The following EPM2A variants were observed in gnomAD, a reference collection of about 807,000 sequenced individuals.
EPM2A encodes the protein laforin.
EPM2A carries 21 observed loss-of-function variants against 26.5 expected under a neutral mutation model. The ratio of observed to expected loss-of-function variants is 0.79; its 90% CI spans 0.56 to 1.14. The LOEUF (loss-of-function observed/expected upper bound fraction) is 1.14, where lower values mean the gene tolerates loss of function less well. Ranked by LOEUF, EPM2A falls within the 50% of genes most tolerant of loss-of-function variation. EPM2A has a pLI of 0.00. For synonymous variants in EPM2A, 217 were observed against 177.6 expected (o/e 1.22, Z -1.76); for missense variants, 458 against 440.8 (o/e 1.04, Z -0.35).
At chr6:145,478,544 T>C (rs576228402) in intron 4 of EPM2A, among the ~76,000 whole-genome samples, 2 of 152,018 alleles carry the variant, frequency 1.3e-5, no homozygotes, top group East Asian at 3.9e-4. Flanking sequence ...AGAACTATAG[T>C]AAACAAAACA....
chr6:145,437,419 A>G (rs532038406), intron 4 of EPM2A, among the ~76,000 whole-genome samples: 1 of 152,310 alleles, frequency 6.6e-6, no homozygotes, highest in Non-Finnish European at 1.5e-5. Context: ...GAACAGTCGA[A>G]TACAGCATGT....
intron 2 of EPM2A, among the ~76,000 whole-genome samples, chr6:145,648,288 G>C (rs1230150984): frequency 1.3e-5 from 2 of 152,174 alleles, no homozygotes; most frequent in Non-Finnish European, 2.9e-5. Context: ...ATTTGAACCA[G>C]AGAGATTCAT....
chr6:145,530,205 A>G (rs1334611015), intron 2 of EPM2A, among the ~76,000 whole-genome samples: 1 of 152,178 alleles, frequency 6.6e-6, no homozygotes, highest in African/African-American at 2.4e-5. Flanking sequence ...TCCCCTAATT[A>G]GGAAGTACAG....
intron 4 of EPM2A, among the ~76,000 whole-genome samples, chr6:145,421,718 T>C (rs2114683897): frequency 6.6e-6 from 1 of 151,970 alleles, no homozygotes; most frequent in African/African-American, 2.4e-5. Flanking sequence ...TAAAGAAAGA[T>C]AATATGTGAT....
intron 2 of EPM2A, among the ~76,000 whole-genome samples, chr6:145,525,297 G>A (rs1029697702): frequency 3.3e-5 from 5 of 149,646 alleles, no homozygotes; most frequent in African/African-American, 4.9e-5. Context: ...GGTCTTTTTC[G>A]GTTCCAAATG....
intron 4 of EPM2A, among the ~76,000 whole-genome samples, chr6:145,471,662 A>G (rs1452796304): frequency 1.3e-5 from 2 of 152,176 alleles, no homozygotes; most frequent in Non-Finnish European, 2.9e-5. Flanking sequence ...CAAGAAAACC[A>G]GACAAAGTGA....
At chr6:145,616,299 C>T (rs1418647856) in intron 2 of EPM2A, among the ~76,000 whole-genome samples, 1 of 152,242 alleles carries the variant, frequency 6.6e-6, no homozygotes, top group Non-Finnish European at 1.5e-5. Flanking sequence ...TGGCAGCTTC[C>T]ACGTGGTGTT....
At chr6:145,602,638 T>C (rs1028651391) in intron 2 of EPM2A, among the ~76,000 whole-genome samples, 1 of 152,254 alleles carries the variant, frequency 6.6e-6, no homozygotes, top group South Asian at 2.1e-4. Context: ...GTCAATAGTT[T>C]AGTTTAATTC....
At chr6:145,517,645 T>C (rs1286075147) in intron 2 of EPM2A, among the ~76,000 whole-genome samples, 1 of 152,202 alleles carries the variant, frequency 6.6e-6, no homozygotes, top group Non-Finnish European at 1.5e-5. Flanking sequence ...CTAATTTATA[T>C]GATTGGTAGG....
In EPM2A at chr6:145,388,785, T is replaced by A. The variant is rs544567207; in HGVS notation, c.556-4688A>T. On this transcript the variant is annotated intron_variant, in intron 4 of 4. Coordinates refer to the EPM2A transcript ENST00000638717. The stretch of plus-strand genomic sequence containing the variant: ...AGTGTTTGGTTTTCTGTTCCTGCGT[T>A]AGTTTGCTGAGAATGATGGTTTCCA... Among the ~76,000 whole-genome samples, 5 of 152,300 alleles carry A rather than the reference T, an allele frequency of 3.3e-5. No homozygotes were observed. In the South Asian group the frequency reaches 1.0e-3, roughly 32 times the overall value.
intron 4 of EPM2A, among the ~76,000 whole-genome samples, chr6:145,413,702 T>A (rs1582736265): frequency 2.0e-5 from 3 of 152,338 alleles, no homozygotes; most frequent in East Asian, 1.9e-4. Context: ...ATGTCTTTTC[T>A]TATATTGAGT....
intron 2 of EPM2A, among the ~76,000 whole-genome samples, chr6:145,659,508 C>T (rs886852327): frequency 1.3e-5 from 2 of 152,070 alleles, no homozygotes; most frequent in Non-Finnish European, 2.9e-5. Context: ...GTACCATCGA[C>T]TCTCCCTTTA....
chr6:145,502,101 A>G (rs1024892234), intron 3 of EPM2A, among the ~76,000 whole-genome samples: 1 of 152,262 alleles, frequency 6.6e-6, no homozygotes, highest in African/African-American at 2.4e-5. Flanking sequence ...GCAAAGAAAC[A>G]AAGGCATGAG....
At chr6:145,449,519 G>A (rs1156565380) in intron 4 of EPM2A, among the ~76,000 whole-genome samples, 1 of 152,186 alleles carries the variant, frequency 6.6e-6, no homozygotes, top group Non-Finnish European at 1.5e-5. Flanking sequence ...CTCACTTTGT[G>A]AGGTGAGTTG....
rs538787753 is a variant in EPM2A, at chr6:145,545,707, A to G, written c.341-43132T>C. Among the ~76,000 whole-genome samples the G allele has an allele frequency of 4.6e-5, 7 of 152,296 alleles. No individual in the cohort carries two copies. The East Asian group carries it at 1.2e-3, about 25-fold the overall frequency. ...ATAAATGTGCCCTATAGAGCCCTGC[A>G]GGACCCGAGCTGAGCTGCTCATTGC... On this transcript the variant is annotated intron_variant, in intron 2 of 3. Coordinates refer to the EPM2A transcript ENST00000450221.
chr6:145,472,894 C>A (rs1279761007), intron 4 of EPM2A, among the ~76,000 whole-genome samples: 1 of 152,024 alleles, frequency 6.6e-6, no homozygotes, highest in Non-Finnish European at 1.5e-5. Context: ...CAAGTTCTTT[C>A]AAATAATTTG....
rs1049645828 is a variant in EPM2A at position 145,705,469 on chromosome 6, C to T, written c.302-19173G>A. On this transcript the variant is annotated intron_variant, in intron 1 of 3. Transcript: ENST00000367519. Reference sequence around the variant, plus strand: ...ACTTGGGAGGCTGAGGTGGGAAGGTCACCTGAGCCAGAGAGGTCTAGGCTG... The same window carrying T: ...ACTTGGGAGGCTGAGGTGGGAAGGTTACCTGAGCCAGAGAGGTCTAGGCTG... 30 of 416,336 alleles carry T rather than the reference C, an allele frequency of 7.2e-5. 1 individual carries two copies. The highest frequency in any genetic ancestry group is 5.3e-4 in the South Asian group (30 of 56,884). 25.8% of individuals were successfully genotyped at this position (416,336 alleles called of 1,614,324 possible).
At chr6:145,385,980 A>G (rs1284770040) in intron 4 of EPM2A, among the ~76,000 whole-genome samples, 1 of 152,078 alleles carries the variant, frequency 6.6e-6, no homozygotes, top group Non-Finnish European at 1.5e-5. Flanking sequence ...TACTCCAGGG[A>G]GATTTCATTC....
chr6:145,690,904 T>C (rs995801219), intron 1 of EPM2A, among the ~76,000 whole-genome samples: 7 of 151,360 alleles, frequency 4.6e-5, no homozygotes, highest in Non-Finnish European at 8.8e-5. Context: ...GAGGAAAGAA[T>C]TCACAGACTT....
Sources: allele counts gnomAD v4.1 joint callset (sites outside exome capture counted in the v4.1 genomes callset), GRCh38; gene constraint gnomAD v4.1.1; transcripts MANE v1.5; gene names NCBI Gene and HGNC (gene_info 2026-07-23, HGNC 2026-07-21).